The following TMOD1 variants were observed in gnomAD, a reference collection of about 807,000 sequenced individuals.
TMOD1 encodes tropomodulin 1, also known as tropomodulin-1.
TMOD1 carries 17 observed loss-of-function variants against 40.6 expected under a neutral mutation model. The observed-to-expected ratio is 0.42, with a 90% CI of 0.29 to 0.63. The LOEUF (loss-of-function observed/expected upper bound fraction) is 0.63, where lower values mean the gene tolerates loss of function less well. Ranked by LOEUF, TMOD1 falls within the 20% of genes least tolerant of loss-of-function variation. TMOD1 has a pLI of 0.22. For missense variants in TMOD1, 391 were observed against 447.6 expected, an observed-to-expected ratio of 0.87 and a Z score of 1.14; for synonymous variants, 181 against 175.0, an observed-to-expected ratio of 1.03 and a Z score of -0.27.
intron 1 of TMOD1, among the ~76,000 whole-genome samples, chr9:97,523,001 T>C (rs1829940749): frequency 6.6e-6 from 1 of 151,980 alleles, no homozygotes; most frequent in Admixed American, 6.6e-5. Context: ...TGTGGTGGAG[T>C]AGAGAGCACC....
At chr9:97,534,569 T>C (rs1274368411) in intron 2 of TMOD1, among the ~76,000 whole-genome samples, 1 of 152,192 alleles carries the variant, frequency 6.6e-6, no homozygotes, top group African/African-American at 2.4e-5. Flanking sequence ...AGGTGCAACA[T>C]GGGCCTGAAG....
Position 97,524,281 on chromosome 9 carries a change from A to G in TMOD1, c.93A>G (p.Glu31=). ...ALTEEELRTL[E]NELDELDPDN... is the part of the protein sequence containing the mutation. The stretch of plus-strand genomic sequence containing the variant: ...CAGAGGAAGAGCTGAGGACCCTGGA[A>G]AATGAGCTGGATGAGCTGGACCCTG... The change falls in exon 2 of 10, where the codon GAA becomes GAG. Residue 31 remains glutamate, a synonymous_variant. Coordinates refer to ENST00000259365, the MANE Select transcript of TMOD1 (RefSeq NM_003275.4). The G allele has an allele frequency of 6.2e-7, 1 of 1,614,158 alleles. No homozygotes were observed. The highest frequency in any genetic ancestry group is 8.5e-7 in the Non-Finnish European group (1 of 1,180,012).
intron 8 of TMOD1, among the ~76,000 whole-genome samples, chr9:97,574,953 C>T (rs1830899073): frequency 6.6e-6 from 1 of 152,180 alleles, no homozygotes; most frequent in African/African-American, 2.4e-5. Flanking sequence ...TAAAATGGAC[C>T]AGTCGGCTCT....
Position 97,502,478 on chromosome 9 carries a change from C to A in TMOD1, c.-49+675C>A, listed in dbSNP as rs1043583486. On this transcript the variant is annotated intron_variant, in intron 1 of 9. Transcript: ENST00000259365. This position sits in a 1 kb window ranked among gnomAD's most constrained non-coding sequence, Gnocchi z 6.1. ...CGGCTCTCGGCATGGCCTTGGCAATCCCCCTCTTGTTTCTGGATCTCAGTC... is the reference window on the plus strand; with the variant it reads ...CGGCTCTCGGCATGGCCTTGGCAATACCCCTCTTGTTTCTGGATCTCAGTC... Among the ~76,000 whole-genome samples the A allele has an allele frequency of 6.6e-6, 1 of 152,210 alleles. No homozygotes were observed. Among genetic ancestry groups the A allele is most frequent in the Admixed American group, 6.5e-5 (1 of 15,292 alleles).
intron 2 of TMOD1, among the ~76,000 whole-genome samples, chr9:97,529,990 G>A (rs1487638035): frequency 6.6e-6 from 1 of 152,176 alleles, no homozygotes; most frequent in East Asian, 1.9e-4. Context: ...AAAGTAACCT[G>A]CCCAGGATGC....
At chr9:97,550,513 T>G (rs1830433879) in intron 3 of TMOD1, among the ~76,000 whole-genome samples, 1 of 152,210 alleles carries the variant, frequency 6.6e-6, no homozygotes, top group Non-Finnish European at 1.5e-5. Flanking sequence ...GGCTCCAATT[T>G]TCCACATTGT....
chr9:97,515,918 T>C (rs1366961592), intron 1 of TMOD1, among the ~76,000 whole-genome samples: 1 of 152,200 alleles, frequency 6.6e-6, no homozygotes, highest in East Asian at 1.9e-4. Context: ...AGTTATATTT[T>C]TATGCGCTGC....
intron 2 of TMOD1, 76 bp from the exon 3 acceptor site, chr9:97,546,109 T>A (rs569362202): frequency 6.4e-4 from 963 of 1,499,614 alleles, no homozygotes; most frequent in Non-Finnish European, 8.3e-4. Context: ...GAAGTGCAAG[T>A]CTTCAGCAGC....
At chr9:97,593,763 G>A (rs988826752) in intron 9 of TMOD1, among the ~76,000 whole-genome samples, 1 of 152,116 alleles carries the variant, frequency 6.6e-6, no homozygotes, top group Non-Finnish European at 1.5e-5. Flanking sequence ...GCCTTGAAAG[G>A]AAGAGATAGG....
chr9:97,502,025 C>T lies in TMOD1; in HGVS notation c.-49+222C>T, dbSNP rs916192153. On this transcript the variant is annotated intron_variant, in intron 1 of 9. Transcript: ENST00000259365. This position sits in a 1 kb window ranked among gnomAD's most constrained non-coding sequence, Gnocchi z 6.1. ...AGCCCAGCGCTCCCGTCCCCGCCTC[C>T]CCGCGCGCGCAGCCCTGGCCAGGGC... Among the ~76,000 whole-genome samples the T allele has an allele frequency of 1.3e-5, 2 of 152,146 alleles. No homozygotes were observed. Among genetic ancestry groups the T allele is most frequent in the African/African-American group, 2.4e-5 (1 of 41,448 alleles).
intron 8 of TMOD1, among the ~76,000 whole-genome samples, chr9:97,578,835 G>A (rs1387101893): frequency 6.6e-6 from 1 of 152,198 alleles, no homozygotes; most frequent in Non-Finnish European, 1.5e-5. Context: ...TTCACTCAGG[G>A]GAGACCAGTA....
In TMOD1 at chr9:97,546,040, G is replaced by A. The variant is rs1830354816; in HGVS notation, c.121-145G>A. 4.1e-6 allele frequency: 4 copies of A among 976,884 alleles called. No homozygotes were observed. In the African/African-American group the frequency reaches 5.0e-5, roughly 12 times the overall value. 60.5% of individuals were successfully genotyped at this position (976,884 alleles called of 1,614,324 possible). ...TTCAGATTCCTTACTTGTAAAACGA[G>A]GAACACCATGGATTCCATGAGCTCT... On this transcript the variant is annotated intron_variant, in intron 2 of 9. Coordinates refer to ENST00000259365, the MANE Select transcript of TMOD1 (RefSeq NM_003275.4).
chr9:97,554,130 G>A (rs952737561), intron 4 of TMOD1, among the ~76,000 whole-genome samples: 13 of 110,048 alleles, frequency 1.2e-4, no homozygotes, highest in African/African-American at 4.5e-4. Context: ...GAGTGGGTGG[G>A]TTTTTATTCT....
intron 9 of TMOD1, among the ~76,000 whole-genome samples, chr9:97,598,712 C>T (rs941725625): frequency 2.6e-5 from 4 of 152,206 alleles, no homozygotes; most frequent in Non-Finnish European, 2.9e-5. Flanking sequence ...CATGCACAAG[C>T]TGATTTGGTT....
At chr9:97,560,152 C>T (rs36035236) in intron 4 of TMOD1, among the ~76,000 whole-genome samples, 80,006 of 151,098 alleles carry the variant, frequency 0.53, 21,107 homozygotes, top group Middle Eastern at 0.61. Context: ...TAAAAAATCA[C>T]CACCAAATAT....
chr9:97,599,855 T>C lies in TMOD1; in HGVS notation c.*157T>C, dbSNP rs1826213979. 1 of 1,417,502 alleles carries C rather than the reference T, an allele frequency of 7.1e-7. No individual in the cohort carries two copies. Among genetic ancestry groups the C allele is most frequent in the South Asian group, 1.6e-5 (1 of 61,852 alleles). The allele number at this position is 1,417,502 out of a possible 1,614,324, so 87.8% of individuals were successfully genotyped here. ...GTTTTAGGTTGACTAGTGGTTGTAGTTGAAAATTTTATAAAATACCGTTAA... is the reference window on the plus strand; with the variant it reads ...GTTTTAGGTTGACTAGTGGTTGTAGCTGAAAATTTTATAAAATACCGTTAA... On this transcript the variant is annotated 3_prime_UTR_variant, in exon 10 of 10. Coordinates refer to ENST00000259365, the MANE Select transcript of TMOD1 (RefSeq NM_003275.4).
At chr9:97,518,700 G>A (rs1381679980) in intron 1 of TMOD1, among the ~76,000 whole-genome samples, 2 of 152,224 alleles carry the variant, frequency 1.3e-5, no homozygotes, top group Non-Finnish European at 2.9e-5. Context: ...GCCCCTTAAA[G>A]GGTGCAGGGG....
At chr9:97,535,864 T>C (rs943055689) in intron 2 of TMOD1, among the ~76,000 whole-genome samples, 1 of 152,088 alleles carries the variant, frequency 6.6e-6, no homozygotes, top group African/African-American at 2.4e-5. Flanking sequence ...TGCATCAAGG[T>C]CAGGGCAGCT....
At chr9:97,580,213 T>C (rs1587956679) in intron 8 of TMOD1, among the ~76,000 whole-genome samples, 1 of 152,086 alleles carries the variant, frequency 6.6e-6, no homozygotes, top group African/African-American at 2.4e-5. Context: ...TTAGAGGTGG[T>C]TGTGTATTTC....
Sources: allele counts gnomAD v4.1 joint callset (sites outside exome capture counted in the v4.1 genomes callset), GRCh38; gene constraint gnomAD v4.1.1; non-coding constraint Gnocchi (gnomAD v3.1); transcripts MANE v1.5; gene names NCBI Gene and HGNC (gene_info 2026-07-23, HGNC 2026-07-21).